The following NUAK1 variants were observed in gnomAD, a reference collection of about 807,000 sequenced individuals.
The protein encoded by NUAK1 is NUAK family kinase 1.
In NUAK1, 26 loss-of-function variants were observed where a neutral mutation model predicts 56.9. The ratio of observed to expected loss-of-function variants is 0.46; its 90% confidence interval spans 0.33 to 0.63. The LOEUF is 0.63. NUAK1 is among the 30% of genes least tolerant of loss of function. The probability of loss-of-function intolerance (pLI) is 0.02; values close to 1 mark genes in which losing one functional copy is unlikely to be tolerated. For synonymous variants in NUAK1, 337 were observed against 336.0 expected, an observed-to-expected ratio of 1.00 and a Z score of -0.03; for missense variants, 727 against 876.1, an observed-to-expected ratio of 0.83 and a Z score of 2.15.
chr12:106,118,809 C>T (rs982935619), intron 1 of NUAK1, among the ~76,000 whole-genome samples: 4 of 152,236 alleles, frequency 2.6e-5, no homozygotes, highest in South Asian at 4.1e-4. Context: ...TGGACTCATA[C>T]AGTTCAGCTA....
intron 1 of NUAK1, among the ~76,000 whole-genome samples, chr12:106,112,812 T>C (rs2032876359): frequency 6.6e-6 from 1 of 152,230 alleles, no homozygotes; most frequent in Non-Finnish European, 1.5e-5. Flanking sequence ...TATGTGTAGC[T>C]AGGAGCTTTT....
chr12:106,094,121 TA>T (rs1219616687), intron 2 of NUAK1, among the ~76,000 whole-genome samples: 178 of 145,740 alleles, frequency 1.2e-3, no homozygotes, highest in Admixed American at 1.4e-3. Flanking sequence ...TCTGTTGATT[TA>T]AAAAAAAAAA....
At chr12:106,124,864 G>T (rs1395655775) in intron 1 of NUAK1, among the ~76,000 whole-genome samples, 1 of 152,004 alleles carries the variant, frequency 6.6e-6, no homozygotes, top group Non-Finnish European at 1.5e-5. Flanking sequence ...AGGCATGGTG[G>T]TGCACACCTG....
At chr12:106,071,608 GT>G (rs1453580956) in intron 5 of NUAK1, among the ~76,000 whole-genome samples, 3 of 152,122 alleles carry the variant, frequency 2.0e-5, no homozygotes, top group Non-Finnish European at 4.4e-5. Context: ...ATTATTACAT[GT>G]TTGTTCAATT....
intron 1 of NUAK1, among the ~76,000 whole-genome samples, chr12:106,136,236 T>G (rs1213799638): frequency 6.6e-6 from 1 of 152,190 alleles, no homozygotes; most frequent in African/African-American, 2.4e-5. Context: ...CTTTACATAA[T>G]TTTGGGGTAA....
At chr12:106,117,940 A>C (rs1479601948) in intron 1 of NUAK1, among the ~76,000 whole-genome samples, 1 of 152,238 alleles carries the variant, frequency 6.6e-6, no homozygotes, top group Non-Finnish European at 1.5e-5. Context: ...GTAGACTTCC[A>C]ATAAATATTT....
At chr12:106,103,354 G>A (rs1592856275) in intron 2 of NUAK1, 2 of 152,230 alleles carry the variant, frequency 1.3e-5, no homozygotes, top group Non-Finnish European at 2.9e-5. Flanking sequence ...CAGGGCACAG[G>A]ATTGTATGGC....
At chr12:106,126,637 G>A (rs1592863469) in intron 1 of NUAK1, among the ~76,000 whole-genome samples, 1 of 152,346 alleles carries the variant, frequency 6.6e-6, no homozygotes, top group South Asian at 2.1e-4. Flanking sequence ...CTTCAAGGAT[G>A]AAATAGTAGT....
Position 106,066,707 on chromosome 12 carries a change from T to G in NUAK1, c.*95A>C. On this transcript the variant is annotated 3_prime_UTR_variant, in exon 7 of 7. Coordinates refer to ENST00000261402, the MANE Select transcript of NUAK1 (RefSeq NM_014840.3). ...CAGTGCCAATCCTTTTTCAGTCTGT[T>G]GTCACAGCCAGCAAAGAGGTAACCA... 9.4e-7 allele frequency: 1 copy of G among 1,059,848 alleles called. No individual in the cohort carries two copies. Among genetic ancestry groups the G allele is most frequent in the South Asian group, 1.5e-5 (1 of 67,150 alleles). 65.7% of individuals were successfully genotyped at this position (1,059,848 alleles called of 1,614,324 possible).
chr12:106,066,773 C>T lies in NUAK1; in HGVS notation c.*29G>A. 1 of 1,562,754 alleles carries T rather than the reference C, an allele frequency of 6.4e-7. No homozygotes were observed. The highest frequency in any genetic ancestry group is 1.2e-5 in the South Asian group (1 of 84,822). ...TCTTGCTCCCCTTCCTCCCTCGTAC[C>T]CCCGCCCGCCCCTGGGCGCCCTGGA... On this transcript the variant is annotated 3_prime_UTR_variant, in exon 7 of 7. Transcript: ENST00000261402.
At chr12:106,075,286 AACACACACAC>A (rs370123170) in intron 4 of NUAK1, among the ~76,000 whole-genome samples, 12 of 133,928 alleles carry the variant, frequency 9.0e-5, no homozygotes, top group African/African-American at 1.7e-4. Context: ...AGTATTAATC[AACACACACAC>A]ACACACACAC....
chr12:106,066,946 C>T lies in NUAK1; in HGVS notation c.1842G>A (p.Glu614=). The T allele has an allele frequency of 1.2e-6, 2 of 1,614,228 alleles. No individual in the cohort carries two copies. The highest frequency in any genetic ancestry group is 1.7e-6 in the Non-Finnish European group (2 of 1,180,044). Residue 614 remains glutamate (E), a synonymous_variant, in exon 7 of 7, where the codon GAG becomes GAA. Transcript: ENST00000261402. ...GGGGCCGGGGCCGGTTCTGGAGCCCCTCAAAGTCCTGGATCTGGAGGAAGT... is the reference window on the plus strand; with the variant it reads ...GGGGCCGGGGCCGGTTCTGGAGCCCTTCAAAGTCCTGGATCTGGAGGAAGT... The part of the protein sequence containing the change: ...AENFLQIQDF[E]GLQNRPRPQY...
chr12:106,128,768 A>G (rs1452200123), intron 1 of NUAK1, among the ~76,000 whole-genome samples: 1 of 152,176 alleles, frequency 6.6e-6, no homozygotes. Flanking sequence ...CCAGGGAAGG[A>G]GCTAACACCT....
Position 106,065,399 on chromosome 12 carries a change from T to C in NUAK1, c.*1403A>G, listed in dbSNP as rs981091500. 4 of 152,082 alleles carry C rather than the reference T, an allele frequency of 2.6e-5. No homozygotes were observed. Among genetic ancestry groups the C allele is most frequent in the Non-Finnish European group, 5.9e-5 (4 of 68,024 alleles). 9.4% of individuals were successfully genotyped at this position (152,082 alleles called of 1,614,324 possible). A position where few individuals can be genotyped will look rare whatever the true frequency, so the allele number is the denominator to read the frequency against. On this transcript the variant is annotated 3_prime_UTR_variant, in exon 7 of 7. Transcript: ENST00000261402. Reference sequence around the variant, plus strand: ...CATCTGGGTAACATCTAAGGAAATGTTCCCTCTCTTACATGCTTCCTCCCA... The same window carrying C: ...CATCTGGGTAACATCTAAGGAAATGCTCCCTCTCTTACATGCTTCCTCCCA...
At chr12:106,075,441 G>A (rs1046697850) in intron 4 of NUAK1, among the ~76,000 whole-genome samples, 1 of 152,110 alleles carries the variant, frequency 6.6e-6, no homozygotes, top group African/African-American at 2.4e-5. Flanking sequence ...CACTGGTTAT[G>A]AAACCTCTCT....
At chr12:106,086,689 T>C (rs2032573611) in intron 3 of NUAK1, 45 bp downstream of exon 3, 3 of 1,575,126 alleles carry the variant, frequency 1.9e-6, no homozygotes, top group Non-Finnish European at 2.6e-6. Context: ...TGCAGTGCCA[T>C]AAAAACCATC....
chr12:106,079,378 C>T (rs1425359877), intron 4 of NUAK1, among the ~76,000 whole-genome samples: 2 of 152,208 alleles, frequency 1.3e-5, no homozygotes, highest in Non-Finnish European at 2.9e-5. Flanking sequence ...TCCATGAAAG[C>T]TTTCTGGTCC....
At chr12:106,107,119 A>G (rs2032811367) in intron 1 of NUAK1, among the ~76,000 whole-genome samples, 2 of 152,152 alleles carry the variant, frequency 1.3e-5, no homozygotes, top group African/African-American at 4.8e-5. Context: ...ACATGGTATG[A>G]CCAGAGGGCT....
At chr12:106,127,319 T>C (rs1433572729) in intron 1 of NUAK1, among the ~76,000 whole-genome samples, 1 of 152,104 alleles carries the variant, frequency 6.6e-6, no homozygotes, top group Non-Finnish European at 1.5e-5. Context: ...CGCAGGCCAC[T>C]ATGCCCAGCT....
Sources: allele counts gnomAD v4.1 joint callset (sites outside exome capture counted in the v4.1 genomes callset), GRCh38; gene constraint gnomAD v4.1.1; transcripts MANE v1.5; gene names NCBI Gene and HGNC (gene_info 2026-07-23, HGNC 2026-07-21).